AMMECR1L: variants seen among roughly 807,000 people sequenced by gnomAD.
The protein encoded by AMMECR1L is AMMECR1-like protein.
A neutral mutation model predicts 36.8 loss-of-function variants in AMMECR1L; 4 were observed. That is an observed-to-expected ratio of 0.11 (90% CI 0.05 to 0.25). AMMECR1L has a LOEUF of 0.25. AMMECR1L is among the 10% of genes least tolerant of loss of function. The probability of loss-of-function intolerance (pLI) is 1.00; values close to 1 mark genes in which losing one functional copy is unlikely to be tolerated. For synonymous variants in AMMECR1L, 147 were observed against 148.0 expected (o/e 0.99, Z 0.05); for missense variants, 232 against 392.1 (o/e 0.59, Z 3.45).
Position 127,863,904 on chromosome 2 carries a change from A to G in AMMECR1L, c.*1190T>C, listed in dbSNP as rs1471373460. 6.6e-6 allele frequency: 1 copy of G among 152,376 alleles called. No homozygotes were observed. The highest frequency in any genetic ancestry group is 1.5e-5 in the Non-Finnish European group (1 of 68,056). 9.4% of individuals were successfully genotyped at this position (152,376 alleles called of 1,614,324 possible). Reference sequence around the variant, plus strand: ...AATATGTCACATGAAAGTTTGAAAGACCTAGAATAAAATGAGCTATTTGGA... The same window carrying G: ...AATATGTCACATGAAAGTTTGAAAGGCCTAGAATAAAATGAGCTATTTGGA... On this transcript the variant is annotated 3_prime_UTR_variant, in exon 8 of 8. Transcript: ENST00000272647.
chr2:127,875,748 T>C lies in AMMECR1L; in HGVS notation c.-38-1476A>G, dbSNP rs528863144. 4.3e-4 allele frequency among the ~76,000 whole-genome samples: 65 copies of C among 152,174 alleles called. 1 individual carries two copies. In the Middle Eastern group the frequency reaches 0.034, roughly 80 times the overall value. On this transcript the variant is annotated intron_variant, in intron 2 of 7. Coordinates refer to ENST00000272647, the MANE Select transcript of AMMECR1L (RefSeq NM_001199140.2). ...GTACATTCTCATGCCTTGCTTGAAA[T>C]AGGGGCTTCTCTCTTTCCCTCTCCT...
At chr2:127,882,260 A>AGG (rs67116243) in intron 2 of AMMECR1L, among the ~76,000 whole-genome samples, 4 of 152,082 alleles carry the variant, frequency 2.6e-5, no homozygotes, top group African/African-American at 9.7e-5. Flanking sequence ...GCCAAGAAAA[A>AGG]GGGGGTCTCT....
At position 127,864,943 on chromosome 2, in the gene AMMECR1L, G is replaced by C; in HGVS notation, c.*151C>G. 1 of 597,430 alleles carries C rather than the reference G, an allele frequency of 1.7e-6. No homozygotes were observed. The highest frequency in any genetic ancestry group is 2.2e-5 in the South Asian group (1 of 46,410). The allele number at this position is 597,430 out of a possible 1,614,324, so 37.0% of individuals were successfully genotyped here. A position where few individuals can be genotyped will look rare whatever the true frequency, so the allele number is the denominator to read the frequency against. ...TTCAAGGTAACCCTACCCTCCCTCA[G>C]TCAGCGGGAGGCAGACTTGGCAACG... is the stretch of plus-strand genomic sequence containing the variant. On this transcript the variant is annotated 3_prime_UTR_variant, in exon 8 of 8. Transcript: ENST00000272647.
In AMMECR1L at chr2:127,865,754, T is replaced by C. The variant is rs1001026100; in HGVS notation, c.822-549A>G. On this transcript the variant is annotated intron_variant, in intron 7 of 7. Transcript: ENST00000272647. This position sits in a 1 kb window ranked among gnomAD's most constrained non-coding sequence, Gnocchi z 5.4. ...GGCTATATAGGTCTCACTCCCCAGA[T>C]GAATATGCCATATCACAGGGTCGTC... Among the ~76,000 whole-genome samples, 1 of 152,226 alleles carries C rather than the reference T, an allele frequency of 6.6e-6. No homozygotes were observed. Among genetic ancestry groups the C allele is most frequent in the Admixed American group, 6.5e-5 (1 of 15,286 alleles).
At position 127,874,639 on chromosome 2, in the gene AMMECR1L, T is replaced by C. The variant is rs1373116169; in HGVS notation, c.-38-367A>G. Among the ~76,000 whole-genome samples, 2 of 152,198 alleles carry C rather than the reference T, an allele frequency of 1.3e-5. No homozygotes were observed. The highest frequency in any genetic ancestry group is 2.9e-5 in the Non-Finnish European group (2 of 68,030). On this transcript the variant is annotated intron_variant, in intron 2 of 7. Coordinates refer to ENST00000272647, the MANE Select transcript of AMMECR1L (RefSeq NM_001199140.2). This position sits in a 1 kb window ranked among gnomAD's most constrained non-coding sequence, Gnocchi z 5.2. ...GTCAGACTCATCATCATGATGTCTC[T>C]ACCTTTTTTAGAGGCTCCAAATTGA... is the stretch of plus-strand genomic sequence containing the variant.
chr2:127,881,954 G>T (rs766478597), intron 2 of AMMECR1L, among the ~76,000 whole-genome samples: 36 of 152,184 alleles, frequency 2.4e-4, no homozygotes, highest in Non-Finnish European at 4.4e-4. Context: ...ATACTTGGCT[G>T]CCTTGAGAGT....
Position 127,873,522 on chromosome 2 carries a change from G to C in AMMECR1L, c.407+306C>G. ...ATGGTATGGCGTGACTTCCCCACTT[G>C]AGAGGTTAAATGCCATACCCACTGC... On this transcript the variant is annotated intron_variant, in intron 3 of 7. Coordinates refer to ENST00000272647, the MANE Select transcript of AMMECR1L (RefSeq NM_001199140.2). This position sits in a 1 kb window ranked among gnomAD's most constrained non-coding sequence, Gnocchi z 5.2. 4.1e-6 allele frequency: 4 copies of C among 985,416 alleles called. No homozygotes were observed. Among genetic ancestry groups the C allele is most frequent in the Non-Finnish European group, 4.8e-6 (4 of 829,940 alleles). The allele number at this position is 985,416 out of a possible 1,614,324, so 61.0% of individuals were successfully genotyped here.
rs778199296 is a variant in AMMECR1L, at chr2:127,862,375, G to A, written c.*2719C>T. ...ACCACGCACACCGCAGGTACTGGCC[G>A]CCCTCATCACTGCTTTGGTCAAGCG... On this transcript the variant is annotated 3_prime_UTR_variant, in exon 8 of 8. Coordinates refer to ENST00000272647, the MANE Select transcript of AMMECR1L (RefSeq NM_001199140.2). 3.4e-4 allele frequency: 53 copies of A among 153,674 alleles called. No homozygotes were observed. The highest frequency in any genetic ancestry group is 3.8e-4 in the East Asian group (2 of 5,198). 9.5% of individuals were successfully genotyped at this position (153,674 alleles called of 1,614,324 possible).
At chr2:127,866,772 GA>G (rs1690704222) in intron 7 of AMMECR1L, 127 bp downstream of exon 7, 1 of 914,248 alleles carries the variant, frequency 1.1e-6, no homozygotes, top group Non-Finnish European at 1.7e-6. Context: ...CTCAAAATGT[GA>G]ACTTCACCCA....
At position 127,870,802 on chromosome 2, in the gene AMMECR1L, G is replaced by A. The variant is rs762636745; in HGVS notation, c.633+12C>T. The stretch of plus-strand genomic sequence containing the variant: ...ACGAGAGATGCAGAGTTCCAAATGC[G>A]GCTGTTCTCACCTCCCAGTCCAGGT... On this transcript the variant is annotated intron_variant, in intron 5 of 7. Transcript: ENST00000272647. The A allele has an allele frequency of 1.0e-5, 16 of 1,597,426 alleles. No individual in the cohort carries two copies. The highest frequency in any genetic ancestry group is 7.8e-5 in the South Asian group (7 of 89,710).
rs148538596 is a variant in AMMECR1L, at chr2:127,879,740, G to A, written c.-39+4463C>T. Among the ~76,000 whole-genome samples, 137 of 152,162 alleles carry A rather than the reference G, an allele frequency of 9.0e-4. 1 individual carries two copies. The highest frequency in any genetic ancestry group is 3.1e-3 in the African/African-American group (127 of 41,502). On this transcript the variant is annotated intron_variant, in intron 2 of 7. Coordinates refer to ENST00000272647, the MANE Select transcript of AMMECR1L (RefSeq NM_001199140.2). ...TCTCATCCACAACTAAGTAGTTCCC[G>A]ACTCAGCTCTCAGCACTGCCCTACA...
chr2:127,869,408 C>T lies in AMMECR1L; in HGVS notation c.724+46G>A, dbSNP rs189148967. On this transcript the variant is annotated intron_variant, in intron 6 of 7. Transcript: ENST00000272647. The surrounding 1 kb of genome is among the most constrained non-coding windows in gnomAD (Gnocchi z 4.7). The stretch of plus-strand genomic sequence containing the variant: ...CACTTTCTTGCCCTTTAACTGGCAC[C>T]ACTGTGAATGATACTTGTCATTAAA... 1.1e-3 allele frequency: 1,749 copies of T among 1,543,796 alleles called. 9 individuals are homozygous for T. The highest frequency in any genetic ancestry group is 1.2e-3 in the South Asian group (107 of 89,678).
chr2:127,875,872 C>T (rs748906406), intron 2 of AMMECR1L, among the ~76,000 whole-genome samples: 5 of 152,146 alleles, frequency 3.3e-5, no homozygotes, highest in Admixed American at 1.3e-4. Context: ...TAGCTTACCA[C>T]AGCCTCCAAC....
At position 127,866,831 on chromosome 2, in the gene AMMECR1L, C is replaced by T. The variant is rs1053153900; in HGVS notation, c.821+69G>A. On this transcript the variant is annotated intron_variant, in intron 7 of 7. Transcript: ENST00000272647. Reference sequence around the variant, plus strand: ...TCACAGAGAACACTTCTTCTCCATCCCATCAAAATTATCCTCCATTCAACC... The same window carrying T: ...TCACAGAGAACACTTCTTCTCCATCTCATCAAAATTATCCTCCATTCAACC... 9 of 1,389,390 alleles carry T rather than the reference C, an allele frequency of 6.5e-6. No homozygotes were observed. The African/African-American group carries it at 1.3e-4, about 20-fold the overall frequency. The allele number at this position is 1,389,390 out of a possible 1,614,324, so 86.1% of individuals were successfully genotyped here. A position where few individuals can be genotyped will look rare whatever the true frequency, so the allele number is the denominator to read the frequency against.
At chr2:127,870,549 C>T (rs971802938) in intron 5 of AMMECR1L, among the ~76,000 whole-genome samples, 2 of 151,902 alleles carry the variant, frequency 1.3e-5, no homozygotes, top group Admixed American at 1.3e-4. Context: ...TTTCTTTTAC[C>T]CCATTATCTC....
intron 1 of AMMECR1L, among the ~76,000 whole-genome samples, chr2:127,884,549 G>A (rs1223018387): frequency 1.3e-5 from 2 of 152,158 alleles, no homozygotes; most frequent in East Asian, 3.8e-4. Context: ...AAGAAGGGAG[G>A]ACACTGAGAA....
Position 127,874,374 on chromosome 2 carries a change from C to T in AMMECR1L, c.-38-102G>A. ...TCTGCATTGACCAGCTAAGAGCTGT[C>T]AAATTCTTTCTCCCACTCAACCTCC... On this transcript the variant is annotated intron_variant, in intron 2 of 7. Transcript: ENST00000272647. This position sits in a 1 kb window ranked among gnomAD's most constrained non-coding sequence, Gnocchi z 5.2. 1 of 1,126,776 alleles carries T rather than the reference C, an allele frequency of 8.9e-7. No homozygotes were observed. The highest frequency in any genetic ancestry group is 1.2e-6 in the Non-Finnish European group (1 of 811,678). 69.8% of individuals were successfully genotyped at this position (1,126,776 alleles called of 1,614,324 possible). A position where few individuals can be genotyped will look rare whatever the true frequency, so the allele number is the denominator to read the frequency against.
Position 127,865,083 on chromosome 2 carries a change from G to T in AMMECR1L, c.*11C>A. The T allele has an allele frequency of 1.2e-6, 2 of 1,607,786 alleles. No individual in the cohort carries two copies. The highest frequency in any genetic ancestry group is 1.1e-5 in the South Asian group (1 of 90,630). On this transcript the variant is annotated 3_prime_UTR_variant, in exon 8 of 8. Coordinates refer to ENST00000272647, the MANE Select transcript of AMMECR1L (RefSeq NM_001199140.2). The surrounding 1 kb of genome is among the most constrained non-coding windows in gnomAD (Gnocchi z 5.4). The stretch of plus-strand genomic sequence containing the variant: ...GCCACGGGGGGGTGGGACTGGTCAT[G>T]CAGCCGTGTGTCAGGAGTAATGATT...
intron 2 of AMMECR1L, among the ~76,000 whole-genome samples, chr2:127,875,718 A>T (rs540800766): frequency 3.2e-4 from 49 of 152,278 alleles, no homozygotes; most frequent in Middle Eastern, 6.8e-3. Flanking sequence ...GAAGAATAAT[A>T]GCTTGTACAT....
Sources: allele counts gnomAD v4.1 joint callset (sites outside exome capture counted in the v4.1 genomes callset), GRCh38; gene constraint gnomAD v4.1.1; non-coding constraint Gnocchi (gnomAD v3.1); transcripts MANE v1.5; gene names NCBI Gene and HGNC (gene_info 2026-07-23, HGNC 2026-07-21).